Variants in CDC27 observed in about 807,000 individuals in gnomAD.
CDC27 encodes cell division cycle 27.
In CDC27, 27 loss-of-function variants were observed where a neutral mutation model predicts 109.7. The ratio of observed to expected loss-of-function variants is 0.25; its 90% CI spans 0.18 to 0.34. The LOEUF is 0.34. Ranked by LOEUF, CDC27 falls within the 10% of genes least tolerant of loss-of-function variation. The probability of loss-of-function intolerance (pLI) is 1.00; values close to 1 mark genes in which losing one functional copy is unlikely to be tolerated. For missense variants in CDC27, 579 were observed against 960.2 expected (o/e 0.60, Z 5.25); for synonymous variants, 266 against 333.9 (o/e 0.80, Z 2.22).
At chr17:47,125,653 C>T (rs2062116292) in intron 16 of CDC27, among the ~76,000 whole-genome samples, 1 of 151,872 alleles carries the variant, frequency 6.6e-6, no homozygotes, top group East Asian at 1.9e-4. Context: ...AAGCGATTCT[C>T]CTGCTTCAGC....
intron 8 of CDC27, among the ~76,000 whole-genome samples, chr17:47,154,100 A>C (rs1406769912): frequency 6.6e-6 from 1 of 151,770 alleles, no homozygotes; most frequent in Non-Finnish European, 1.5e-5. Context: ...AAAAAAAAAA[A>C]AAAAAGCCTC....
In CDC27 at chr17:47,129,388, C is replaced by A. The variant is rs1407135967; in HGVS notation, c.2160+5G>T. The A allele has an allele frequency of 6.2e-7, 1 of 1,606,080 alleles. No homozygotes were observed. The highest frequency in any genetic ancestry group is 8.5e-7 in the Non-Finnish European group (1 of 1,174,232). Reference sequence around the variant, plus strand: ...CACTGAAGACCCTTAAGATATTTATCTTACCTTATATTTTTCATTTGCAAA... The same window carrying A: ...CACTGAAGACCCTTAAGATATTTATATTACCTTATATTTTTCATTTGCAAA... On this transcript the variant is annotated splice_donor_5th_base_variant and intron_variant, in intron 16 of 18. Coordinates refer to ENST00000066544, the MANE Select transcript of CDC27 (RefSeq NM_001256.6).
chr17:47,149,671 T>C lies in CDC27; in HGVS notation c.1070+2135A>G, dbSNP rs1383786669. Among the ~76,000 whole-genome samples the C allele has an allele frequency of 2.0e-5, 3 of 152,024 alleles. No homozygotes were observed. The East Asian group carries it at 5.8e-4, about 30-fold the overall frequency. The stretch of plus-strand genomic sequence containing the variant: ...CTTCTTTTTCTCATTTAAAAAAATT[T>C]CAGCTGGGCATGGTAGCTCATGCCT... On this transcript the variant is annotated intron_variant, in intron 9 of 18. Coordinates refer to ENST00000066544, the MANE Select transcript of CDC27 (RefSeq NM_001256.6).
intron 2 of CDC27, among the ~76,000 whole-genome samples, chr17:47,176,600 T>C (rs1960221019): frequency 6.6e-6 from 1 of 152,190 alleles, no homozygotes; most frequent in African/African-American, 2.4e-5. Flanking sequence ...TGTGCAGGGC[T>C]TTGTAAACTG....
At chr17:47,123,402 CTTT>C (rs57868315) in intron 17 of CDC27, among the ~76,000 whole-genome samples, 1,405 of 123,006 alleles carry the variant, frequency 0.011, 39 homozygotes, top group Admixed American at 0.071. Context: ...TTTTTTTCTA[CTTT>C]TTTTTTTTTT....
At chr17:47,185,790 A>T (rs1271806403) in intron 1 of CDC27, among the ~76,000 whole-genome samples, 3 of 152,172 alleles carry the variant, frequency 2.0e-5, no homozygotes, top group African/African-American at 7.2e-5. Flanking sequence ...TCACTGTTGA[A>T]ATTTCATATT....
chr17:47,129,343 G>A (rs777461230), intron 16 of CDC27, 50 bp downstream of exon 16: 91 of 1,311,096 alleles, frequency 6.9e-5, no homozygotes, highest in Non-Finnish European at 8.7e-5. Flanking sequence ...AAGGGATAAC[G>A]TTGTTTTTAA....
At chr17:47,149,538 T>TAAAAAAAAAAAAA (rs2063089883) in intron 9 of CDC27, among the ~76,000 whole-genome samples, 4 of 148,044 alleles carry the variant, frequency 2.7e-5, no homozygotes, top group Admixed American at 2.7e-4. Flanking sequence ...AAAGAAATGT[T>TAAAAAAAAAAAAA]AAAAAGAAGT....
chr17:47,142,971 C>G (rs1017820796), intron 10 of CDC27, among the ~76,000 whole-genome samples: 1 of 152,040 alleles, frequency 6.6e-6, no homozygotes, highest in South Asian at 2.1e-4. Context: ...CCACCGTGCC[C>G]GGCCTTTGTT....
chr17:47,121,092 A>G (rs2061971128), intron 18 of CDC27, 75 bp from the exon 19 acceptor site: 3 of 931,182 alleles, frequency 3.2e-6, no homozygotes, highest in Admixed American at 4.0e-5. Flanking sequence ...AACAAGTAAG[A>G]AAAATTGTAT....
chr17:47,135,407 A>AGATGATGATGATGAT (rs201672676), intron 14 of CDC27, among the ~76,000 whole-genome samples: 2 of 150,542 alleles, frequency 1.3e-5, no homozygotes, highest in Non-Finnish European at 3.0e-5. Context: ...GGCCATAACT[A>AGATGATGATGATGAT]GATGATGATG....
chr17:47,123,479 T>C (rs1416446457), intron 17 of CDC27, among the ~76,000 whole-genome samples: 2 of 150,448 alleles, frequency 1.3e-5, no homozygotes, highest in East Asian at 3.9e-4. Context: ...GGGGTGATCT[T>C]GGCTCATGGC....
chr17:47,124,745 T>C (rs913848689), intron 16 of CDC27, among the ~76,000 whole-genome samples: 3 of 152,172 alleles, frequency 2.0e-5, no homozygotes, highest in African/African-American at 7.2e-5. Context: ...CAATATCACA[T>C]ATTATGTAGC....
At chr17:47,155,572 GAT>G (rs1271155912) in intron 7 of CDC27, among the ~76,000 whole-genome samples, 1 of 152,034 alleles carries the variant, frequency 6.6e-6, no homozygotes, top group African/African-American at 2.4e-5. Context: ...TTTTCATTTT[GAT>G]ACTTTTGGAT....
Position 47,179,984 on chromosome 17 carries a change from C to T in CDC27, c.103+1578G>A, listed in dbSNP as rs142728727. On this transcript the variant is annotated intron_variant, in intron 2 of 18. Coordinates refer to ENST00000066544, the MANE Select transcript of CDC27 (RefSeq NM_001256.6). ...AATACTAGAAATAGAAGACAGTGGC[C>T]GAGTACAGTGGCTCACATCTGTAAC... Among the ~76,000 whole-genome samples, 25 of 152,134 alleles carry T rather than the reference C, an allele frequency of 1.6e-4. No individual in the cohort carries two copies. The East Asian group carries it at 4.1e-3, about 25-fold the overall frequency.
In CDC27 at chr17:47,133,022, T is replaced by TACACAC. The variant is rs1422473112; in HGVS notation, c.1914-649_1914-648insGTGTGT. ...ATATATATATATATATATATATATA[T>TACACAC]ATATATACACACACACACACACACA... On this transcript the variant is annotated intron_variant, in intron 14 of 18. Transcript: ENST00000066544. Among the ~76,000 whole-genome samples, 8 of 41,558 alleles carry TACACAC rather than the reference T, an allele frequency of 1.9e-4. No individual in the cohort carries two copies. The East Asian group carries it at 2.6e-3, about 14-fold the overall frequency. The allele number at this position is 41,558 out of a possible 152,430, so 27.3% of individuals were successfully genotyped here.
chr17:47,138,995 G>T, intron 12 of CDC27, 104 bp from the exon 13 acceptor site: 2 of 729,936 alleles, frequency 2.7e-6, no homozygotes, highest in Non-Finnish European at 4.3e-6. Context: ...ATGCTGCCTT[G>T]TATTATGGTT....
chr17:47,160,506 G>A (rs1055600235), intron 4 of CDC27, among the ~76,000 whole-genome samples: 4 of 152,134 alleles, frequency 2.6e-5, no homozygotes, highest in Admixed American at 1.3e-4. Flanking sequence ...GATTACAGGC[G>A]TGAGCCACAG....
At chr17:47,167,994 T>A (rs1483708605) in intron 4 of CDC27, among the ~76,000 whole-genome samples, 1 of 152,108 alleles carries the variant, frequency 6.6e-6, no homozygotes, top group African/African-American at 2.4e-5. Flanking sequence ...AGATGAAGAG[T>A]GCATAGGGCG....
Sources: gnomAD v4.1 joint callset for allele counts (sites outside exome capture counted in the v4.1 genomes callset) on GRCh38, gnomAD v4.1.1 for gene constraint, MANE v1.5 for transcripts, NCBI Gene and HGNC (gene_info 2026-07-23, HGNC 2026-07-21) for gene names.